The following KLRD1 variants were observed in gnomAD, a reference collection of about 807,000 sequenced individuals.
KLRD1 encodes killer cell lectin like receptor D1.
A neutral mutation model predicts 22.6 loss-of-function variants in KLRD1; 21 were observed. That is an observed-to-expected ratio of 0.93 (90% CI 0.66 to 1.34). The LOEUF is 1.34. Among genes scored for constraint, KLRD1 ranks in the 40% most tolerant of loss-of-function variants. KLRD1 has a pLI of 0.00. For missense variants in KLRD1, 183 were observed against 208.6 expected (o/e 0.88, Z 0.76); for synonymous variants, 59 against 71.1 (o/e 0.83, Z 0.85).
intron 1 of KLRD1, among the ~76,000 whole-genome samples, chr12:10,282,267 T>G (rs1156589271): frequency 2.0e-5 from 3 of 152,078 alleles, no homozygotes; most frequent in African/African-American, 7.2e-5. Flanking sequence ...CATTTTTTTT[T>G]TTTTTTGAGA....
At chr12:10,312,055 T>C (rs139360748) in intron 4 of KLRD1, among the ~76,000 whole-genome samples, 7,966 of 144,128 alleles carry the variant, frequency 0.055, 265 homozygotes, top group East Asian at 0.17. Flanking sequence ...TCTTTTCTTT[T>C]TTTTTTTTTT....
intron 1 of KLRD1, among the ~76,000 whole-genome samples, chr12:10,286,276 A>G (rs537181944): frequency 1.3e-5 from 2 of 152,324 alleles, no homozygotes; most frequent in East Asian, 3.9e-4. Context: ...CTTAAAGTTC[A>G]GTCTGCAAAC....
chr12:10,239,690 G>A (rs1357478233), intron 1 of KLRD1, among the ~76,000 whole-genome samples: 2 of 151,288 alleles, frequency 1.3e-5, no homozygotes, highest in South Asian at 2.1e-4. Flanking sequence ...TGCCCAGGCT[G>A]GAGTGCAGTG....
At chr12:10,289,107 A>G (rs1949740419) in intron 1 of KLRD1, among the ~76,000 whole-genome samples, 1 of 152,186 alleles carries the variant, frequency 6.6e-6, no homozygotes, top group Admixed American at 6.6e-5. Context: ...GCTCAGTTCC[A>G]CTTCACTGAC....
chr12:10,268,576 T>A (rs975503007), intron 1 of KLRD1, among the ~76,000 whole-genome samples: 12 of 152,244 alleles, frequency 7.9e-5, no homozygotes, highest in African/African-American at 2.7e-4. Context: ...AGTTTCTTTT[T>A]TAACCATCTG....
chr12:10,267,180 T>C (rs1437874915), intron 1 of KLRD1, among the ~76,000 whole-genome samples: 2 of 151,880 alleles, frequency 1.3e-5, no homozygotes, highest in Admixed American at 6.6e-5. Context: ...TTTACTTTTA[T>C]GTATAGTTTA....
At position 10,328,192 on chromosome 12, in the gene KLRD1, ATTC is replaced by A. The variant is rs1481149144; in HGVS notation, c.*13402_*13404del. ...ACATAAAATTAGTTTGAAAGTATTTATTCTTTTTAAATTTTTATATAATAGCTT... is the reference window on the plus strand; with the variant it reads ...ACATAAAATTAGTTTGAAAGTATTTATTTTTAAATTTTTATATAATAGCTT... On this transcript the variant is annotated 3_prime_UTR_variant, in exon 6 of 6. Coordinates refer to ENST00000336164, the MANE Select transcript of KLRD1 (RefSeq NM_002262.5). 6.6e-6 allele frequency: 1 copy of A among 152,090 alleles called. No individual in the cohort carries two copies. The highest frequency in any genetic ancestry group is 1.9e-4 in the East Asian group (1 of 5,198). 9.4% of individuals were successfully genotyped at this position (152,090 alleles called of 1,614,324 possible). A position where few individuals can be genotyped will look rare whatever the true frequency, so the allele number is the denominator to read the frequency against.
At chr12:10,276,873 ATACT>A (rs1423315357) in intron 1 of KLRD1, among the ~76,000 whole-genome samples, 4 of 152,172 alleles carry the variant, frequency 2.6e-5, no homozygotes, top group African/African-American at 9.6e-5. Flanking sequence ...TCTTTTCTGC[ATACT>A]TAGTGACAAG....
intron 5 of KLRD1, among the ~76,000 whole-genome samples, chr12:10,314,372 G>T (rs1435962557): frequency 6.6e-6 from 1 of 151,986 alleles, no homozygotes; most frequent in South Asian, 2.1e-4. Flanking sequence ...GACTAGATCA[G>T]ATAATACATC....
rs1474136084 is a variant in KLRD1 at position 10,315,494 on chromosome 12, G to A, written c.*701G>A. Reference sequence around the variant, plus strand: ...TTCAGGTAACTGACAAAAGATATAGGATGAAAAATAATATCTTTCAAATGT... The same window carrying A: ...TTCAGGTAACTGACAAAAGATATAGAATGAAAAATAATATCTTTCAAATGT... On this transcript the variant is annotated 3_prime_UTR_variant, in exon 6 of 6. Coordinates refer to ENST00000336164, the MANE Select transcript of KLRD1 (RefSeq NM_002262.5). 1 of 172,122 alleles carries A rather than the reference G, an allele frequency of 5.8e-6. No homozygotes were observed. The highest frequency in any genetic ancestry group is 1.2e-5 in the Non-Finnish European group (1 of 80,106). The allele number at this position is 172,122 out of a possible 1,614,324, so 10.7% of individuals were successfully genotyped here. A position where few individuals can be genotyped will look rare whatever the true frequency, so the allele number is the denominator to read the frequency against.
chr12:10,322,699 A>G lies in KLRD1; in HGVS notation c.*7906A>G, dbSNP rs772431334. 5 of 152,204 alleles carry G rather than the reference A, an allele frequency of 3.3e-5. No homozygotes were observed. The highest frequency in any genetic ancestry group is 4.8e-5 in the African/African-American group (2 of 41,444). 9.4% of individuals were successfully genotyped at this position (152,204 alleles called of 1,614,324 possible). ...CTTCATATATTTTAATTGAGCAAAA[A>G]CACAATAAAGAATACCTATCTTAAA... On this transcript the variant is annotated 3_prime_UTR_variant, in exon 6 of 6. Coordinates refer to ENST00000336164, the MANE Select transcript of KLRD1 (RefSeq NM_002262.5).
upstream of KLRD1, among the ~76,000 whole-genome samples, chr12:10,307,220 A>G (rs1481908469): frequency 2.0e-5 from 3 of 152,248 alleles, no homozygotes; most frequent in Admixed American, 6.5e-5. Flanking sequence ...ATAATGTATT[A>G]GTAAAAATAA....
At chr12:10,305,518 T>C (rs1949908777), upstream of KLRD1, among the ~76,000 whole-genome samples, 1 of 152,186 alleles carries the variant, frequency 6.6e-6, no homozygotes, top group Admixed American at 6.5e-5. Context: ...AACATAACAC[T>C]ATTGAGTAAT....
chr12:10,324,818 G>GTATATATATATATATATATA lies in KLRD1; in HGVS notation c.*10031_*10050dup, dbSNP rs1555113906. On this transcript the variant is annotated 3_prime_UTR_variant, in exon 6 of 6. Transcript: ENST00000336164. ...AGTATATATGTATATGTGTGTGTGT[G>GTATATATATATATATATATA]TATATATATATATATATATATATAT... is the stretch of plus-strand genomic sequence containing the variant. The GTATATATATATATATATATA allele has an allele frequency of 0.096, 7,061 of 73,324 alleles. 846 individuals carry two copies. Among genetic ancestry groups the GTATATATATATATATATATA allele is most frequent in the Non-Finnish European group, 0.14 (5,080 of 37,250 alleles). The allele number at this position is 73,324 out of a possible 1,614,324, so 4.5% of individuals were successfully genotyped here. A position where few individuals can be genotyped will look rare whatever the true frequency, so the allele number is the denominator to read the frequency against.
At chr12:10,306,663 A>G (rs1565466878), upstream of KLRD1, among the ~76,000 whole-genome samples, 2 of 152,196 alleles carry the variant, frequency 1.3e-5, no homozygotes. Context: ...TAAGCAAAGG[A>G]TTTTTAAATA....
rs1160731351 is a variant in KLRD1 at position 10,250,965 on chromosome 12, A to G, written c.-101+24732A>G. Among the ~76,000 whole-genome samples the G allele has an allele frequency of 4.6e-5, 7 of 152,106 alleles. 1 individual carries two copies. Among genetic ancestry groups the G allele is most frequent in the Admixed American group, 1.3e-4 (2 of 15,268 alleles). ...TGCCATGTTTCGTTCATTTACCATC[A>G]TTATCAACGACTTATTTAATGTAGT... On this transcript the variant is annotated intron_variant, in intron 1 of 5. Transcript: ENST00000544747.
At chr12:10,278,349 A>G (rs1483130271) in intron 1 of KLRD1, among the ~76,000 whole-genome samples, 4 of 152,166 alleles carry the variant, frequency 2.6e-5, no homozygotes, top group Non-Finnish European at 5.9e-5. Flanking sequence ...ACAGTCTGAA[A>G]ATGGTGCCTG....
At chr12:10,259,773 C>T (rs1949430929) in intron 1 of KLRD1, among the ~76,000 whole-genome samples, 1 of 152,160 alleles carries the variant, frequency 6.6e-6, no homozygotes, top group Admixed American at 6.5e-5. Context: ...TGAGATCAGC[C>T]TGGCCAACAT....
chr12:10,309,999 A>G (rs1262405465), intron 3 of KLRD1, among the ~76,000 whole-genome samples: 5 of 152,254 alleles, frequency 3.3e-5, no homozygotes, highest in Admixed American at 2.0e-4. Flanking sequence ...AATCCTCATT[A>G]CCTGCCTGAA....
Sources: gnomAD v4.1 joint callset for allele counts (sites outside exome capture counted in the v4.1 genomes callset) on GRCh38, gnomAD v4.1.1 for gene constraint, MANE v1.5 for transcripts, NCBI Gene and HGNC (gene_info 2026-07-23, HGNC 2026-07-21) for gene names.